Variants in STARD13 observed in about 807,000 individuals in gnomAD.
The protein encoded by STARD13 is stAR-related lipid transfer protein 13.
In STARD13, 62 loss-of-function variants were observed where a neutral mutation model predicts 106.4. The ratio of observed to expected loss-of-function variants is 0.58; its 90% confidence interval spans 0.48 to 0.72. The LOEUF (loss-of-function observed/expected upper bound fraction) is 0.72. STARD13 is among the 30% of genes least tolerant of loss of function. The pLI, the probability that STARD13 is intolerant of heterozygous loss-of-function variation, is 0.00. For synonymous variants in STARD13, 565 were observed against 553.0 expected (o/e 1.02, Z -0.31); for missense variants, 1,387 against 1,424.0 (o/e 0.97, Z 0.42).
At chr13:33,423,781 C>G in the STARD13 span, among the ~76,000 whole-genome samples, 1 of 152,190 alleles carries the variant, frequency 6.6e-6, no homozygotes. Flanking sequence ...AGGATAAGTT[C>G]GTGTCCTTTG....
the STARD13 span, among the ~76,000 whole-genome samples, chr13:33,602,920 G>C: frequency 6.6e-6 from 1 of 152,144 alleles, no homozygotes; most frequent in African/African-American, 2.4e-5. Context: ...TGTCTTCCAC[G>C]AAACTAGGCC....
At chr13:33,387,052 A>T in the STARD13 span, among the ~76,000 whole-genome samples, 1 of 152,108 alleles carries the variant, frequency 6.6e-6, no homozygotes, top group Non-Finnish European at 1.5e-5. Context: ...GTTGCCCAGG[A>T]TGAAGTGCAG....
intron 12 of STARD13, 114 bp downstream of exon 12, chr13:33,109,759 A>G (rs1384067787): frequency 1.1e-6 from 1 of 917,870 alleles, no homozygotes; most frequent in African/African-American, 1.6e-5. Flanking sequence ...GAGCCGGCTT[A>G]GTGTTCCCCG....
At chr13:33,504,963 T>C in the STARD13 span, among the ~76,000 whole-genome samples, 2 of 152,166 alleles carry the variant, frequency 1.3e-5, no homozygotes, top group African/African-American at 4.8e-5. Context: ...AGCCTGCATA[T>C]TATTCTGCCT....
chr13:33,185,807 T>C (rs1297675322), intron 1 of STARD13: 2 of 1,522,338 alleles, frequency 1.3e-6, no homozygotes, highest in Non-Finnish European at 1.8e-6. Flanking sequence ...ACTGAGGCCA[T>C]GCAAGGCTAA....
intron 6 of STARD13, 142 bp downstream of exon 6, chr13:33,127,231 G>T (rs973523866): frequency 1.1e-6 from 1 of 924,550 alleles, no homozygotes; most frequent in East Asian, 3.1e-5. Flanking sequence ...CTACGGCAGA[G>T]CTCATGCCTT....
the STARD13 span, among the ~76,000 whole-genome samples, chr13:33,452,517 A>G: frequency 6.6e-6 from 1 of 152,172 alleles, no homozygotes; most frequent in Non-Finnish European, 1.5e-5. Flanking sequence ...GAGTACTAGA[A>G]ATTAATATTT....
rs1388829584 is a variant in STARD13 at position 33,126,236 on chromosome 13, C to T, written c.1927G>A (p.Val643Ile). ...MSNKHGWTWS[V>I]PKFMKRMKVP... ...TTCATCCTCTTCATGAACTTTGGAACTGACCTAGAATTTACAGAAACCAGG... is the reference window on the plus strand; with the variant it reads ...TTCATCCTCTTCATGAACTTTGGAATTGACCTAGAATTTACAGAAACCAGG... The change falls in exon 7 of 14, where the codon GTT (valine) becomes ATT (isoleucine). Residue 643 changes from valine to isoleucine, a missense_variant. Physicochemically the swap from Val to Ile is conservative, Grantham distance 29. Coordinates refer to ENST00000336934, the MANE Select transcript of STARD13 (RefSeq NM_178006.4). The T allele has an allele frequency of 3.1e-6, 5 of 1,613,936 alleles. No homozygotes were observed. The South Asian group carries it at 3.3e-5, about 11-fold the overall frequency.
rs1332350388 is a variant in STARD13 at position 33,104,748 on chromosome 13, T to C, written c.*845A>G. 2 of 153,558 alleles carry C rather than the reference T, an allele frequency of 1.3e-5. No individual in the cohort carries two copies. The highest frequency in any genetic ancestry group is 4.8e-5 in the African/African-American group (2 of 41,438). 9.5% of individuals were successfully genotyped at this position (153,558 alleles called of 1,614,324 possible). On this transcript the variant is annotated 3_prime_UTR_variant, in exon 14 of 14. Transcript: ENST00000336934. Reference sequence around the variant, plus strand: ...ATTCATCTTGACTTGGGGTCTGTAGTGATGGGCATGGGAGCGAGAGGTATC... The same window carrying C: ...ATTCATCTTGACTTGGGGTCTGTAGCGATGGGCATGGGAGCGAGAGGTATC...
the STARD13 span, among the ~76,000 whole-genome samples, chr13:33,490,951 T>C: frequency 1.3e-5 from 2 of 152,254 alleles, no homozygotes; most frequent in African/African-American, 4.8e-5. Context: ...ATCTGCATGC[T>C]CCTCCTCTCA....
chr13:33,333,193 A>T lies in STARD13; in HGVS notation c.124+17097T>A, dbSNP rs578182638. Reference sequence around the variant, plus strand: ...TCCTTTGAGGTCAGGAGTTCGAGACAAGCCTGGCCAACATGATGAAACCCC... The same window carrying T: ...TCCTTTGAGGTCAGGAGTTCGAGACTAGCCTGGCCAACATGATGAAACCCC... On this transcript the variant is annotated intron_variant, in intron 1 of 5. Coordinates refer to the STARD13 transcript ENST00000567873. 6.6e-5 allele frequency among the ~76,000 whole-genome samples: 10 copies of T among 152,066 alleles called. No homozygotes were observed. The South Asian group carries it at 2.1e-3, about 32-fold the overall frequency.
chr13:33,617,621 C>G, the STARD13 span, among the ~76,000 whole-genome samples: 8 of 152,164 alleles, frequency 5.3e-5, no homozygotes, highest in Non-Finnish European at 1.2e-4. Flanking sequence ...ACCTGAACTA[C>G]ATCTTCAAAG....
chr13:33,413,811 C>T, the STARD13 span, among the ~76,000 whole-genome samples: 1 of 152,018 alleles, frequency 6.6e-6, no homozygotes, highest in Non-Finnish European at 1.5e-5. Flanking sequence ...GCAGGCAGAT[C>T]ACCTGAGGAC....
chr13:33,141,688 A>G (rs1051033551), intron 4 of STARD13, among the ~76,000 whole-genome samples: 1 of 152,186 alleles, frequency 6.6e-6, no homozygotes, highest in Non-Finnish European at 1.5e-5. Context: ...ATCTTGACAC[A>G]TGCATGAAAT....
At chr13:33,635,709 G>A in the STARD13 span, among the ~76,000 whole-genome samples, 9 of 151,770 alleles carry the variant, frequency 5.9e-5, no homozygotes, top group South Asian at 4.2e-4. Context: ...CAGGCTGGGC[G>A]CAGTGGTTCA....
the STARD13 span, among the ~76,000 whole-genome samples, chr13:33,419,194 A>G: frequency 1.3e-5 from 2 of 152,352 alleles, no homozygotes; most frequent in Non-Finnish European, 2.9e-5. Flanking sequence ...GTTCTAACCC[A>G]TCACAAGGAA....
At chr13:33,219,102 G>A (rs1289384585) in intron 1 of STARD13, among the ~76,000 whole-genome samples, 1 of 152,128 alleles carries the variant, frequency 6.6e-6, no homozygotes, top group Non-Finnish European at 1.5e-5. Flanking sequence ...TATGTAAGAT[G>A]CTAAGGGGTG....
chr13:33,482,107 T>G, the STARD13 span, among the ~76,000 whole-genome samples: 1 of 152,236 alleles, frequency 6.6e-6, no homozygotes, highest in Admixed American at 6.5e-5. Context: ...TAAAATGTCC[T>G]TATCTTTTAG....
At chr13:33,305,013 G>T (rs747507994) in intron 1 of STARD13, among the ~76,000 whole-genome samples, 1 of 152,174 alleles carries the variant, frequency 6.6e-6, no homozygotes, top group Admixed American at 6.5e-5. Flanking sequence ...CAGCCTGTGA[G>T]AGGTTGGAGG....
Sources: gnomAD v4.1 joint callset for allele counts (sites outside exome capture counted in the v4.1 genomes callset) on GRCh38, gnomAD v4.1.1 for gene constraint, MANE v1.5 for transcripts, NCBI Gene and HGNC (gene_info 2026-07-23, HGNC 2026-07-21) for gene names.